PAXIP1: variants seen among roughly 807,000 people sequenced by gnomAD.
PAXIP1 encodes the protein PAX-interacting protein 1.
Under a neutral mutation model 140.6 loss-of-function variants are expected in PAXIP1, and 19 were observed. The observed-to-expected ratio is 0.14, with a 90% confidence interval of 0.09 to 0.20. The LOEUF (loss-of-function observed/expected upper bound fraction) is 0.20. Ranked by LOEUF, PAXIP1 falls within the 10% of genes least tolerant of loss-of-function variation. The pLI is 1.00. For missense variants in PAXIP1, 920 were observed against 1,208.6 expected, an observed-to-expected ratio of 0.76 and a Z score of 3.54; for synonymous variants, 442 against 444.6, an observed-to-expected ratio of 0.99 and a Z score of 0.07.
Position 154,986,471 on chromosome 7 carries a change from G to A in PAXIP1, c.325-3139C>T, listed in dbSNP as rs558654212. 4.6e-5 allele frequency among the ~76,000 whole-genome samples: 7 copies of A among 152,046 alleles called. No homozygotes were observed. The highest frequency in any genetic ancestry group is 3.2e-3 in the Middle Eastern group (1 of 316). The stretch of plus-strand genomic sequence containing the variant: ...CTGTATGTTTACTGAGAGAGAAATC[G>A]CATCTTAATTAATTTGTACCCCTCT... On this transcript the variant is annotated intron_variant, in intron 4 of 20. Transcript: ENST00000404141. The surrounding 1 kb of genome is among the most constrained non-coding windows in gnomAD (Gnocchi z 4.8).
At chr7:154,984,934 C>T (rs1312913726) in intron 4 of PAXIP1, among the ~76,000 whole-genome samples, 1 of 152,152 alleles carries the variant, frequency 6.6e-6, no homozygotes, top group African/African-American at 2.4e-5. Flanking sequence ...CAACAGGGTG[C>T]AGGAGATTGC....
intron 1 of PAXIP1, chr7:155,001,360 A>T (rs1239802921): frequency 6.6e-6 from 1 of 152,090 alleles, no homozygotes; most frequent in Non-Finnish European, 1.5e-5. Flanking sequence ...ATAGCAAAAA[A>T]CAAAAACAAA....
intron 20 of PAXIP1, 76 bp from the exon 21 acceptor site, chr7:154,944,240 CA>C: frequency 7.5e-7 from 1 of 1,327,078 alleles, no homozygotes; most frequent in Non-Finnish European, 1.1e-6. Flanking sequence ...CAACATTCAT[CA>C]TCCAGTTTCA....
intron 6 of PAXIP1, among the ~76,000 whole-genome samples, chr7:154,971,819 C>G (rs1010180033): frequency 1.3e-5 from 2 of 152,202 alleles, no homozygotes; most frequent in African/African-American, 4.8e-5. Flanking sequence ...TACACTCCCC[C>G]CAACAATCTA....
chr7:154,959,114 G>A (rs1242620419), intron 13 of PAXIP1, among the ~76,000 whole-genome samples: 1 of 152,124 alleles, frequency 6.6e-6, no homozygotes, highest in Non-Finnish European at 1.5e-5. Context: ...ACACAAGCTT[G>A]GGTGTTAGCT....
Position 154,975,865 on chromosome 7 carries a change from T to G in PAXIP1, c.905A>C (p.Asn302Thr). 1 of 1,614,012 alleles carries G rather than the reference T, an allele frequency of 6.2e-7. No homozygotes were observed. The highest frequency in any genetic ancestry group is 1.3e-5 in the African/African-American group (1 of 75,044). ...LCANVPPVPG[N>T]ILPPEVRGNL... is the part of the protein sequence containing the mutation. The stretch of plus-strand genomic sequence containing the variant: ...ACCCCGGACCTCAGGGGGCAAAATG[T>G]TACCTGGGACGGGTGGGACATTGGC... Residue 302 changes from asparagine (N) to threonine (T), a missense_variant, in exon 6 of 21, where the codon AAC becomes ACC. Around this residue, in one of 5 missense-constraint regions of PAXIP1, gnomAD observed 419 missense variants for 514.7 expected, o/e 0.81. Transcript: ENST00000404141.
rs1321383201 is a variant in PAXIP1, at chr7:154,968,771, G to GGGC, written c.1429_1430insGCC (p.His476_Pro477insArg). The GGGC allele has an allele frequency of 2.8e-6, 2 of 719,798 alleles. No individual in the cohort carries two copies. Among genetic ancestry groups the GGGC allele is most frequent in the Non-Finnish European group, 2.6e-6 (1 of 386,408 alleles). 44.6% of individuals were successfully genotyped at this position (719,798 alleles called of 1,614,324 possible). A position where few individuals can be genotyped will look rare whatever the true frequency, so the allele number is the denominator to read the frequency against. Reference sequence around the variant, plus strand: ...CTGAGGGCGATGCAGCTGCTGTGGAGGATGCAACTGTTGCTGTGGAAACTG... The same window carrying GGGC: ...CTGAGGGCGATGCAGCTGCTGTGGAGGGCGATGCAACTGTTGCTGTGGAAACTG... On this transcript the variant is annotated inframe_insertion, in exon 7 of 21. Coordinates refer to ENST00000404141, the MANE Select transcript of PAXIP1 (RefSeq NM_007349.4).
intron 13 of PAXIP1, among the ~76,000 whole-genome samples, 176 bp from the exon 14 acceptor site, chr7:154,957,470 G>T (rs1335483549): frequency 1.3e-5 from 2 of 152,160 alleles, no homozygotes; most frequent in Admixed American, 6.5e-5. Flanking sequence ...AATGCAAGTG[G>T]GGAGAAGCAG....
At chr7:154,996,469 G>A (rs1308406748) in intron 2 of PAXIP1, among the ~76,000 whole-genome samples, 3 of 152,218 alleles carry the variant, frequency 2.0e-5, no homozygotes, top group African/African-American at 7.2e-5. Flanking sequence ...AATTGTATAA[G>A]TAATGGGTAT....
rs1808439325 is a variant in PAXIP1, at chr7:154,954,904, TTAATTTGTTCTAAATGTATA to T, written c.2653-501_2653-482del. 6.6e-6 allele frequency among the ~76,000 whole-genome samples: 1 copy of T among 152,224 alleles called. No individual in the cohort carries two copies. The highest frequency in any genetic ancestry group is 6.5e-5 in the Admixed American group (1 of 15,286). ...TCCTCACATTTTAAAGGTGGAGAAA[TTAATTTGTTCTAAATGTATA>T]ATACTAGCATTTATAATTGTTTCTT... On this transcript the variant is annotated intron_variant, in intron 15 of 20. Coordinates refer to ENST00000404141, the MANE Select transcript of PAXIP1 (RefSeq NM_007349.4). This position sits in a 1 kb window ranked among gnomAD's most constrained non-coding sequence, Gnocchi z 5.1.
chr7:154,969,850 C>G (rs1212650128), intron 6 of PAXIP1, among the ~76,000 whole-genome samples: 2 of 152,168 alleles, frequency 1.3e-5, no homozygotes, highest in African/African-American at 2.4e-5. Flanking sequence ...AAGGACTCAT[C>G]ATTAGAGCTG....
chr7:154,961,110 T>C, intron 11 of PAXIP1, 33 bp from the exon 12 acceptor site: 1 of 1,423,936 alleles, frequency 7.0e-7, no homozygotes, highest in South Asian at 1.4e-5. Flanking sequence ...ACATATTTAT[T>C]AAATGTTAGA....
intron 16 of PAXIP1, among the ~76,000 whole-genome samples, chr7:154,952,590 T>C (rs1010990589): frequency 5.3e-5 from 8 of 152,176 alleles, no homozygotes; most frequent in African/African-American, 1.9e-4. Flanking sequence ...GATCATGAGT[T>C]CAATGTCAGT....
chr7:154,987,486 C>T (rs1333288724), intron 4 of PAXIP1, among the ~76,000 whole-genome samples: 2 of 152,158 alleles, frequency 1.3e-5, no homozygotes, highest in African/African-American at 2.4e-5. Context: ...TCTACCAATG[C>T]GTGCTATCCA....
intron 20 of PAXIP1, chr7:154,945,536 AAC>A: frequency 1.0e-6 from 1 of 985,432 alleles, no homozygotes; most frequent in Non-Finnish European, 1.2e-6. Context: ...TCCTATCCCA[AAC>A]ACAAAATTCC....
At position 154,963,149 on chromosome 7, in the gene PAXIP1, G is replaced by A. The variant is rs932551520; in HGVS notation, c.1989+522C>T. 3.3e-5 allele frequency among the ~76,000 whole-genome samples: 5 copies of A among 152,132 alleles called. No homozygotes were observed. Among genetic ancestry groups the A allele is most frequent in the African/African-American group, 1.2e-4 (5 of 41,420 alleles). On this transcript the variant is annotated intron_variant, in intron 9 of 20. Coordinates refer to ENST00000404141, the MANE Select transcript of PAXIP1 (RefSeq NM_007349.4). This position sits in a 1 kb window ranked among gnomAD's most constrained non-coding sequence, Gnocchi z 4.1. ...CCGTGCACAGAGAGCAGCTGGAATG[G>A]TGACTGCAGGGAGTGTCCGCCCTTT...
Position 154,973,457 on chromosome 7 carries a change from ATCT to A in PAXIP1, c.1074+2236_1074+2238del, listed in dbSNP as rs893537143. On this transcript the variant is annotated intron_variant, in intron 6 of 20. Coordinates refer to ENST00000404141, the MANE Select transcript of PAXIP1 (RefSeq NM_007349.4). This position sits in a 1 kb window ranked among gnomAD's most constrained non-coding sequence, Gnocchi z 4.0. ...CTATCTATGAATCACCTATTTGAAA[ATCT>A]TCTATTCTCCTCAAACCCGATGACC... Among the ~76,000 whole-genome samples the A allele has an allele frequency of 1.3e-5, 2 of 151,972 alleles. No individual in the cohort carries two copies. Among genetic ancestry groups the A allele is most frequent in the South Asian group, 2.1e-4 (1 of 4,814 alleles).
chr7:155,002,924 C>A lies in PAXIP1; in HGVS notation c.6G>T (p.Ser2=), dbSNP rs778582087. The part of the protein sequence containing the change: M[S]DQAPKVPEEM... ...CCTCAGGAACTTTGGGCGCCTGGTC[C>A]GACATGATCGCGGCGGCCCGGGAGG... Residue 2 remains serine, a synonymous_variant, in exon 1 of 21, where the codon TCG becomes TCT. Coordinates refer to ENST00000404141, the MANE Select transcript of PAXIP1 (RefSeq NM_007349.4). 6 of 1,330,214 alleles carry A rather than the reference C, an allele frequency of 4.5e-6. No individual in the cohort carries two copies. In the Admixed American group the frequency reaches 6.6e-5, roughly 15 times the overall value. 82.4% of individuals were successfully genotyped at this position (1,330,214 alleles called of 1,614,324 possible). A position where few individuals can be genotyped will look rare whatever the true frequency, so the allele number is the denominator to read the frequency against.
In PAXIP1 at chr7:154,954,187, G is replaced by C. The variant is rs1808407453; in HGVS notation, c.2821+68C>G. The C allele has an allele frequency of 9.5e-7, 1 of 1,051,698 alleles. No individual in the cohort carries two copies. Among genetic ancestry groups the C allele is most frequent in the South Asian group, 2.9e-5 (1 of 34,506 alleles). The allele number at this position is 1,051,698 out of a possible 1,614,324, so 65.1% of individuals were successfully genotyped here. A position where few individuals can be genotyped will look rare whatever the true frequency, so the allele number is the denominator to read the frequency against. On this transcript the variant is annotated intron_variant, in intron 16 of 20. Transcript: ENST00000404141. This position sits in a 1 kb window ranked among gnomAD's most constrained non-coding sequence, Gnocchi z 5.1. Reference sequence around the variant, plus strand: ...AATTAAATATTTGTTGGGATGAAAAGAGATGAATTCAAGAAAAAAAAAAGT... The same window carrying C: ...AATTAAATATTTGTTGGGATGAAAACAGATGAATTCAAGAAAAAAAAAAGT...
Sources: allele counts gnomAD v4.1 joint callset (sites outside exome capture counted in the v4.1 genomes callset), GRCh38; gene constraint gnomAD v4.1.1; regional missense constraint gnomAD v4.1.1; non-coding constraint Gnocchi (gnomAD v3.1); transcripts MANE v1.5; gene names NCBI Gene and HGNC (gene_info 2026-07-23, HGNC 2026-07-21).